Variants in PCDH9 observed in about 807,000 individuals in gnomAD.
The protein encoded by PCDH9 is protocadherin-9.
A neutral mutation model predicts 70.6 loss-of-function variants in PCDH9; 24 were observed. That is an observed-to-expected ratio of 0.34 (90% CI 0.25 to 0.48). The LOEUF is 0.48. Among genes scored for constraint, PCDH9 ranks in the 20% least tolerant of loss-of-function variants. The probability of loss-of-function intolerance (pLI) is 0.99; values close to 1 mark genes in which losing one functional copy is unlikely to be tolerated. For synonymous variants in PCDH9, 562 were observed against 558.5 expected (o/e 1.01, Z -0.09); for missense variants, 1,281 against 1,503.6 (o/e 0.85, Z 2.45).
chr13:66,504,428 C>T (rs1959193207), intron 4 of PCDH9, among the ~76,000 whole-genome samples: 1 of 152,098 alleles, frequency 6.6e-6, no homozygotes, highest in African/African-American at 2.4e-5. Flanking sequence ...TAAGTGAGGT[C>T]ATCATAGTCC....
At chr13:66,807,086 G>A (rs1392325055) in intron 3 of PCDH9, among the ~76,000 whole-genome samples, 1 of 152,072 alleles carries the variant, frequency 6.6e-6, no homozygotes, top group African/African-American at 2.4e-5. Context: ...ATAATTGAAT[G>A]CCAGATTTAC....
chr13:66,818,883 G>A (rs1276586456), intron 3 of PCDH9, among the ~76,000 whole-genome samples: 1 of 151,594 alleles, frequency 6.6e-6, no homozygotes, highest in East Asian at 1.9e-4. Flanking sequence ...GCAGTGGGCC[G>A]AGATCGCGCC....
chr13:67,181,318 A>C (rs2088609416), intron 2 of PCDH9, among the ~76,000 whole-genome samples: 1 of 152,184 alleles, frequency 6.6e-6, no homozygotes, highest in Non-Finnish European at 1.5e-5. Context: ...GAATAATCAT[A>C]AGAAGCTATC....
At chr13:67,089,495 C>A (rs371755707) in intron 2 of PCDH9, among the ~76,000 whole-genome samples, 1 of 151,950 alleles carries the variant, frequency 6.6e-6, no homozygotes, top group Non-Finnish European at 1.5e-5. Context: ...ATATACCATA[C>A]CCATATATTG....
intron 3 of PCDH9, among the ~76,000 whole-genome samples, chr13:66,697,455 C>T (rs1169965039): frequency 6.6e-6 from 1 of 152,026 alleles, no homozygotes; most frequent in Non-Finnish European, 1.5e-5. Context: ...CTTTATAACG[C>T]CATATTCTAT....
chr13:66,923,473 T>C (rs1169625815), intron 2 of PCDH9, among the ~76,000 whole-genome samples: 1 of 151,556 alleles, frequency 6.6e-6, no homozygotes, highest in Non-Finnish European at 1.5e-5. Flanking sequence ...AATATCTAAT[T>C]TATATAATTC....
chr13:66,363,350 T>G (rs1470586465), intron 4 of PCDH9, among the ~76,000 whole-genome samples: 2 of 152,136 alleles, frequency 1.3e-5, no homozygotes, highest in African/African-American at 2.4e-5. Flanking sequence ...TCTTTTTAGT[T>G]TTTTTGGCAA....
chr13:66,985,644 A>G (rs780076106), intron 2 of PCDH9: 1 of 152,104 alleles, frequency 6.6e-6, no homozygotes, highest in Non-Finnish European at 1.5e-5. Context: ...AAATTTACTT[A>G]TTCAGTGAAT....
chr13:66,789,897 T>C (rs2080137430), intron 3 of PCDH9, among the ~76,000 whole-genome samples: 1 of 152,154 alleles, frequency 6.6e-6, no homozygotes, highest in Non-Finnish European at 1.5e-5. Flanking sequence ...AACTGTTCTA[T>C]TCTTCAGCAA....
intron 3 of PCDH9, among the ~76,000 whole-genome samples, chr13:66,833,093 C>T (rs1439979140): frequency 2.0e-5 from 3 of 152,096 alleles, no homozygotes; most frequent in African/African-American, 4.8e-5. Context: ...CATGTGGTCT[C>T]GTAGCCAACA....
intron 4 of PCDH9, among the ~76,000 whole-genome samples, chr13:66,319,762 A>T (rs1955720228): frequency 6.6e-6 from 1 of 152,108 alleles, no homozygotes; most frequent in Admixed American, 6.5e-5. Context: ...GATAACTTGT[A>T]ATATAAAAGT....
intron 2 of PCDH9, among the ~76,000 whole-genome samples, chr13:66,917,112 T>C (rs748307285): frequency 3.8e-4 from 58 of 151,566 alleles, no homozygotes; most frequent in Non-Finnish European, 6.4e-4. Context: ...TAAAACACAC[T>C]TCACTTGTTG....
Position 66,676,932 on chromosome 13 carries a change from A to C in PCDH9, c.3139-45521T>G, listed in dbSNP as rs533838014. The stretch of plus-strand genomic sequence containing the variant: ...ATGTTTGTTTTCCTTTATATTATAA[A>C]ATTTTAAATATCCATTTACATGTCA... On this transcript the variant is annotated intron_variant, in intron 3 of 4. Coordinates refer to ENST00000377865, the MANE Select transcript of PCDH9 (RefSeq NM_203487.3). 4.0e-4 allele frequency among the ~76,000 whole-genome samples: 61 copies of C among 152,240 alleles called. 1 individual carries two copies. The Middle Eastern group carries it at 0.024, about 59-fold the overall frequency.
At chr13:67,210,714 A>G (rs1052543806) in intron 2 of PCDH9, 2 of 152,062 alleles carry the variant, frequency 1.3e-5, no homozygotes, top group Non-Finnish European at 2.9e-5. Flanking sequence ...CAAAGTATAA[A>G]TGGTTTTGAA....
At chr13:66,953,255 C>T (rs9540954) in intron 2 of PCDH9, among the ~76,000 whole-genome samples, 24,192 of 152,060 alleles carry the variant, frequency 0.16, 2,106 homozygotes, top group Non-Finnish European at 0.18. Flanking sequence ...TAGTTTTTAA[C>T]ATTTCCACCT....
rs139267878 is a variant in PCDH9 at position 67,030,360 on chromosome 13, T to G, written c.3037-126755A>C. On this transcript the variant is annotated intron_variant, in intron 2 of 4. Transcript: ENST00000377865. Reference sequence around the variant, plus strand: ...GCTAAGAGGATACTTCTACCAGAGGTCCCCTCTGTCCTGCTCTTCATCAAA... The same window carrying G: ...GCTAAGAGGATACTTCTACCAGAGGGCCCCTCTGTCCTGCTCTTCATCAAA... 4.6e-5 allele frequency among the ~76,000 whole-genome samples: 7 copies of G among 151,900 alleles called. No individual in the cohort carries two copies. In the East Asian group the frequency reaches 1.2e-3, roughly 25 times the overall value.
chr13:66,771,308 T>C (rs944465304), intron 3 of PCDH9, among the ~76,000 whole-genome samples: 1 of 152,214 alleles, frequency 6.6e-6, no homozygotes, highest in African/African-American at 2.4e-5. Context: ...AGAATATGTT[T>C]CACTTTTCTT....
chr13:66,942,648 C>T (rs2083025054), intron 2 of PCDH9, among the ~76,000 whole-genome samples: 1 of 151,934 alleles, frequency 6.6e-6, no homozygotes, highest in African/African-American at 2.4e-5. Context: ...TATAAGTGTC[C>T]AAGGCCCAAG....
intron 2 of PCDH9, among the ~76,000 whole-genome samples, chr13:67,030,617 T>G (rs1419947796): frequency 1.3e-5 from 2 of 152,014 alleles, no homozygotes; most frequent in African/African-American, 2.4e-5. Flanking sequence ...ACACCTTACA[T>G]GCATGCATCA....
Sources: gnomAD v4.1 joint callset for allele counts (sites outside exome capture counted in the v4.1 genomes callset) on GRCh38, gnomAD v4.1.1 for gene constraint, MANE v1.5 for transcripts, NCBI Gene and HGNC (gene_info 2026-07-23, HGNC 2026-07-21) for gene names.